TIAM2: variants seen among roughly 807,000 people sequenced by gnomAD.
TIAM2 encodes rho guanine nucleotide exchange factor TIAM2.
Under a neutral mutation model 152.9 loss-of-function variants are expected in TIAM2, and 80 were observed. The ratio of observed to expected loss-of-function variants is 0.52; its 90% CI spans 0.44 to 0.63. The LOEUF (loss-of-function observed/expected upper bound fraction) is 0.63. Ranked by LOEUF, TIAM2 falls within the 30% of genes least tolerant of loss-of-function variation. The probability of loss-of-function intolerance (pLI) is 0.00; values close to 1 mark genes in which losing one functional copy is unlikely to be tolerated. For synonymous variants in TIAM2, 804 were observed against 838.0 expected, an observed-to-expected ratio of 0.96 and a Z score of 0.70; for missense variants, 1,965 against 2,120.1, an observed-to-expected ratio of 0.93 and a Z score of 1.44.
At chr6:155,161,948 T>A (rs917330154) in intron 7 of TIAM2, among the ~76,000 whole-genome samples, 10 of 151,914 alleles carry the variant, frequency 6.6e-5, no homozygotes, top group African/African-American at 2.4e-4. Context: ...GACTCATTCA[T>A]TTTCTTTTTC....
In TIAM2 at chr6:155,225,660, A is replaced by G. The variant is rs536755872; in HGVS notation, c.3168+14353A>G. On this transcript the variant is annotated intron_variant, in intron 15 of 26. Coordinates refer to ENST00000682666, the MANE Select transcript of TIAM2 (RefSeq NM_012454.4). ...TTGATTTCTATTTTTAAGAAGTTTG[A>G]TCAAAACTGTCAAGTTATTTATTGA... is the stretch of plus-strand genomic sequence containing the variant. 2.6e-5 allele frequency among the ~76,000 whole-genome samples: 4 copies of G among 152,316 alleles called. No homozygotes were observed. In the South Asian group the frequency reaches 8.3e-4, roughly 32 times the overall value.
rs59818801 is a variant in TIAM2, at chr6:155,187,573, C to CTTTTTTTTTTTTTTTTT, written c.3064+4080_3064+4096dup. Among the ~76,000 whole-genome samples, 40 of 49,620 alleles carry CTTTTTTTTTTTTTTTTT rather than the reference C, an allele frequency of 8.1e-4. 2 individuals carry two copies. Among genetic ancestry groups the CTTTTTTTTTTTTTTTTT allele is most frequent in the African/African-American group, 2.5e-3 (32 of 12,664 alleles). The allele number at this position is 49,620 out of a possible 152,430, so 32.6% of individuals were successfully genotyped here. On this transcript the variant is annotated intron_variant, in intron 14 of 26. Transcript: ENST00000682666. ...AACCCCCCCTCCCCCACCCCGCCCC[C>CTTTTTTTTTTTTTTTTT]TTTTTTTTTTTTTTTTTTTTTTTGA...
At chr6:155,140,671 G>A (rs916960880) in intron 5 of TIAM2, among the ~76,000 whole-genome samples, 5 of 151,944 alleles carry the variant, frequency 3.3e-5, no homozygotes, top group South Asian at 2.1e-4. Context: ...ATTTAGAGCC[G>A]TGCTAGATGG....
At position 155,213,779 on chromosome 6, in the gene TIAM2, C is replaced by T. The variant is rs961634819; in HGVS notation, c.3168+2472C>T. ...CCCTCCTTGGCCTGCCTCCCATGCT[C>T]ATTGGTGCCCAAAGTACAGCAGGGG... On this transcript the variant is annotated intron_variant, in intron 15 of 26. Transcript: ENST00000682666. The surrounding 1 kb of genome is among the most constrained non-coding windows in gnomAD (Gnocchi z 4.2). Among the ~76,000 whole-genome samples, 2 of 152,248 alleles carry T rather than the reference C, an allele frequency of 1.3e-5. No homozygotes were observed. The highest frequency in any genetic ancestry group is 2.1e-4 in the South Asian group (1 of 4,836).
intron 15 of TIAM2, among the ~76,000 whole-genome samples, chr6:155,211,761 A>T (rs1418566403): frequency 1.3e-5 from 2 of 151,920 alleles, no homozygotes; most frequent in Non-Finnish European, 2.9e-5. Context: ...TTTCAAGTGT[A>T]TGCCTCTCTG....
intron 16 of TIAM2, among the ~76,000 whole-genome samples, chr6:155,243,546 G>A (rs980039300): frequency 6.6e-6 from 1 of 152,064 alleles, no homozygotes; most frequent in African/African-American, 2.4e-5. Flanking sequence ...CTACTTTTGG[G>A]GTCAGGAATT....
chr6:155,114,064 T>C, intron 2 of TIAM2, among the ~76,000 whole-genome samples: 1 of 109,516 alleles, frequency 9.1e-6, no homozygotes, highest in Non-Finnish European at 1.8e-5. Context: ...TTTTTTTTTT[T>C]TTTTTTTGAA....
chr6:155,203,004 A>G, intron 14 of TIAM2, among the ~76,000 whole-genome samples: 1 of 139,746 alleles, frequency 7.2e-6, no homozygotes, highest in African/African-American at 2.7e-5. Flanking sequence ...AGCTGAGTTC[A>G]CGCCACTGCA....
At chr6:155,044,330 C>A (rs1777112674) in intron 1 of TIAM2, among the ~76,000 whole-genome samples, 1 of 152,192 alleles carries the variant, frequency 6.6e-6, no homozygotes, top group Non-Finnish European at 1.5e-5. Flanking sequence ...ATTTCTAGGG[C>A]ACACGATAGG....
chr6:155,164,137 T>TTTTTTG (rs1780352560), intron 7 of TIAM2, among the ~76,000 whole-genome samples: 2 of 139,690 alleles, frequency 1.4e-5, no homozygotes. Flanking sequence ...TTTTGTGTTT[T>TTTTTTG]TTTTTTTTCT....
At chr6:155,205,774 A>G (rs1418190871) in intron 14 of TIAM2, among the ~76,000 whole-genome samples, 2 of 152,090 alleles carry the variant, frequency 1.3e-5, no homozygotes, top group Non-Finnish European at 2.9e-5. Flanking sequence ...GTTTCCAAGA[A>G]TTCCCCCTTG....
chr6:155,088,494 C>A (rs922965468), intron 1 of TIAM2, among the ~76,000 whole-genome samples: 2 of 152,238 alleles, frequency 1.3e-5, no homozygotes, highest in Non-Finnish European at 2.9e-5. Flanking sequence ...GAGTATGTCA[C>A]ATGTTTCAAG....
chr6:155,143,780 G>A (rs961708746), intron 5 of TIAM2, among the ~76,000 whole-genome samples: 1 of 152,134 alleles, frequency 6.6e-6, no homozygotes, highest in Non-Finnish European at 1.5e-5. Context: ...ACAGTGCAGC[G>A]GTGGGACCCC....
chr6:155,215,618 A>G (rs1043932426), intron 15 of TIAM2, among the ~76,000 whole-genome samples: 1 of 152,096 alleles, frequency 6.6e-6, no homozygotes, highest in Admixed American at 6.5e-5. Flanking sequence ...ATCAGTGGCC[A>G]CCAAAAGTAA....
Position 155,247,861 on chromosome 6 carries a change from C to G in TIAM2, c.3653-139C>G, listed in dbSNP as rs1202785246. ...CGCTGACAGCTGGGTGCCTGACCCA[C>G]TGATGTGTTGGGGTTTTCATTAAAG... On this transcript the variant is annotated intron_variant, in intron 19 of 26. Transcript: ENST00000682666. 12 of 1,103,552 alleles carry G rather than the reference C, an allele frequency of 1.1e-5. No individual in the cohort carries two copies. In the African/African-American group the frequency reaches 1.4e-4, roughly 13 times the overall value. The allele number at this position is 1,103,552 out of a possible 1,614,324, so 68.4% of individuals were successfully genotyped here.
At chr6:155,135,899 T>C (rs940137515) in intron 4 of TIAM2, among the ~76,000 whole-genome samples, 38 of 152,066 alleles carry the variant, frequency 2.5e-4, no homozygotes, top group African/African-American at 8.9e-4. Flanking sequence ...GAAATATTAA[T>C]TATGAAAAAA....
chr6:154,998,200 C>T (rs1466105426), intron 1 of TIAM2, among the ~76,000 whole-genome samples: 1 of 152,110 alleles, frequency 6.6e-6, no homozygotes, highest in East Asian at 1.9e-4. Flanking sequence ...GTTTACGTGT[C>T]TAATCGTGAT....
At chr6:155,251,237 CAA>C (rs1783637857) in intron 22 of TIAM2, among the ~76,000 whole-genome samples, 2 of 152,216 alleles carry the variant, frequency 1.3e-5, no homozygotes, top group African/African-American at 4.8e-5. Flanking sequence ...TGGCTCAGGC[CAA>C]GTGTTACAGG....
intron 5 of TIAM2, among the ~76,000 whole-genome samples, chr6:155,140,586 GAGAGAGAGA>G (rs1779675130): frequency 7.0e-6 from 1 of 143,078 alleles, no homozygotes; most frequent in African/African-American, 2.9e-5. Flanking sequence ...GAGAGAGAGA[GAGAGAGAGA>G]GAGAGAGAGA....
Sources: gnomAD v4.1 joint callset for allele counts (sites outside exome capture counted in the v4.1 genomes callset) on GRCh38, gnomAD v4.1.1 for gene constraint, Gnocchi (gnomAD v3.1) non-coding constraint, MANE v1.5 for transcripts, NCBI Gene and HGNC (gene_info 2026-07-23, HGNC 2026-07-21) for gene names.